Variants in RNLS observed in about 807,000 individuals in gnomAD.
RNLS encodes renalase.
Under a neutral mutation model 39.8 loss-of-function variants are expected in RNLS, and 39 were observed. The ratio of observed to expected loss-of-function variants is 0.98; its 90% CI spans 0.76 to 1.28. RNLS has a LOEUF of 1.28. Among genes scored for constraint, RNLS ranks in the 50% most tolerant of loss-of-function variants. RNLS has a pLI of 0.00. For synonymous variants in RNLS, 147 were observed against 150.7 expected (o/e 0.98, Z 0.18); for missense variants, 410 against 413.3 (o/e 0.99, Z 0.07).
chr10:88,386,088 C>T (rs924379004), intron 4 of RNLS, among the ~76,000 whole-genome samples: 1 of 152,058 alleles, frequency 6.6e-6, no homozygotes, highest in Non-Finnish European at 1.5e-5. Context: ...TTTTTAGAGC[C>T]GTTACCATGT....
At chr10:88,364,331 G>A (rs566683743) in intron 4 of RNLS, among the ~76,000 whole-genome samples, 2 of 152,238 alleles carry the variant, frequency 1.3e-5, no homozygotes, top group South Asian at 2.1e-4. Context: ...AGAGAGGCAG[G>A]AAAGGGATTC....
At chr10:88,527,627 T>C (rs951852248) in intron 4 of RNLS, among the ~76,000 whole-genome samples, 8 of 152,182 alleles carry the variant, frequency 5.3e-5, no homozygotes, top group Non-Finnish European at 1.2e-4. Context: ...AAATCTTTCC[T>C]GATTTTCCTT....
intron 4 of RNLS, among the ~76,000 whole-genome samples, chr10:88,377,189 T>G (rs538547934): frequency 1.3e-5 from 2 of 151,830 alleles, no homozygotes; most frequent in Non-Finnish European, 2.9e-5. Flanking sequence ...CACATCTCTG[T>G]GTGTGTGTGT....
intron 5 of RNLS, among the ~76,000 whole-genome samples, chr10:88,338,197 A>G (rs1331282415): frequency 1.3e-5 from 2 of 152,216 alleles, no homozygotes; most frequent in African/African-American, 4.8e-5. Flanking sequence ...TTGTGTCTTT[A>G]GAGAAGAGAC....
At chr10:88,353,066 T>G (rs978472338) in intron 5 of RNLS, among the ~76,000 whole-genome samples, 1 of 152,248 alleles carries the variant, frequency 6.6e-6, no homozygotes, top group African/African-American at 2.4e-5. Context: ...TCATTTTTTA[T>G]TGCACCTATT....
chr10:88,508,103 T>A (rs931994742), intron 4 of RNLS, among the ~76,000 whole-genome samples: 5 of 152,190 alleles, frequency 3.3e-5, no homozygotes, highest in African/African-American at 1.2e-4. Context: ...AAGTCTCTTA[T>A]CCTGTCTTCA....
intron 4 of RNLS, among the ~76,000 whole-genome samples, chr10:88,413,285 G>A (rs1458693861): frequency 1.3e-5 from 2 of 152,052 alleles, no homozygotes; most frequent in Admixed American, 6.6e-5. Context: ...GCTTTTGATG[G>A]CCTGAAGCTT....
chr10:88,435,550 T>C (rs1023652889), intron 4 of RNLS, among the ~76,000 whole-genome samples: 5 of 152,006 alleles, frequency 3.3e-5, no homozygotes, highest in African/African-American at 7.2e-5. Context: ...CCTAAGAATC[T>C]TGAGGGTAGC....
chr10:88,292,921 C>T (rs1216079455), intron 6 of RNLS, among the ~76,000 whole-genome samples: 2 of 151,926 alleles, frequency 1.3e-5, no homozygotes, highest in African/African-American at 4.8e-5. Flanking sequence ...CGTGGTGGCA[C>T]GTGCCTGTAA....
the RNLS span, among the ~76,000 whole-genome samples, chr10:88,189,912 C>T: frequency 1.3e-5 from 2 of 152,190 alleles, no homozygotes; most frequent in Admixed American, 1.3e-4. Context: ...GGGTGGCCAG[C>T]ATATTTAAAA....
intron 4 of RNLS, among the ~76,000 whole-genome samples, chr10:88,527,899 G>A (rs140173426): frequency 1.3e-5 from 2 of 151,262 alleles, no homozygotes; most frequent in Non-Finnish European, 2.9e-5. Flanking sequence ...AGATAAGATA[G>A]TGCATCCAGA....
At chr10:88,517,047 A>G (rs1846441198) in intron 4 of RNLS, among the ~76,000 whole-genome samples, 1 of 151,994 alleles carries the variant, frequency 6.6e-6, no homozygotes, top group African/African-American at 2.4e-5. Flanking sequence ...GATAGCTATG[A>G]TCTGGAGGTG....
chr10:88,423,048 C>T (rs1385224972), intron 4 of RNLS, among the ~76,000 whole-genome samples: 1 of 152,132 alleles, frequency 6.6e-6, no homozygotes, highest in Non-Finnish European at 1.5e-5. Flanking sequence ...GGTGCCTGGC[C>T]TAGTAGGCTT....
At position 88,583,057 on chromosome 10, in the gene RNLS, C is replaced by T. The variant is rs1196581502; in HGVS notation, c.118+16G>A. On this transcript the variant is annotated intron_variant, in intron 1 of 6. Transcript: ENST00000331772. ...GCAGTCCTCTTTTCCCAGGTTTTGGCGTTTAGACAACCCACCTGAGTCCTC... is the reference window on the plus strand; with the variant it reads ...GCAGTCCTCTTTTCCCAGGTTTTGGTGTTTAGACAACCCACCTGAGTCCTC... 6.2e-7 allele frequency: 1 copy of T among 1,606,910 alleles called. No individual in the cohort carries two copies. Among genetic ancestry groups the T allele is most frequent in the Non-Finnish European group, 8.5e-7 (1 of 1,175,878 alleles).
chr10:88,298,522 G>GT (rs1463296559), intron 6 of RNLS, among the ~76,000 whole-genome samples: 6 of 152,280 alleles, frequency 3.9e-5, no homozygotes, highest in African/African-American at 1.2e-4. Context: ...GCAGTGTGAT[G>GT]TAAGGGTCCA....
At chr10:88,273,477 C>T (rs556349815), downstream of RNLS, among the ~76,000 whole-genome samples, 17 of 152,072 alleles carry the variant, frequency 1.1e-4, no homozygotes, top group Non-Finnish European at 2.5e-4. Flanking sequence ...CATTATATCA[C>T]AAAAAATATC....
downstream of RNLS, among the ~76,000 whole-genome samples, chr10:88,270,241 C>T (rs1042910420): frequency 3.3e-5 from 5 of 152,134 alleles, no homozygotes; most frequent in African/African-American, 1.2e-4. Flanking sequence ...AGCTAAGAGA[C>T]GCAAATTAGA....
intron 4 of RNLS, among the ~76,000 whole-genome samples, chr10:88,364,327 G>A (rs1849877352): frequency 6.6e-6 from 1 of 152,124 alleles, no homozygotes; most frequent in Non-Finnish European, 1.5e-5. Context: ...GTAGAGAGAG[G>A]CAGGAAAGGG....
chr10:88,452,647 G>T (rs550709788), intron 4 of RNLS, among the ~76,000 whole-genome samples: 17 of 152,254 alleles, frequency 1.1e-4, no homozygotes, highest in Non-Finnish European at 1.9e-4. Context: ...AAGGGGAAAT[G>T]CTTCATCTAG....
Sources: gnomAD v4.1 joint callset for allele counts (sites outside exome capture counted in the v4.1 genomes callset) on GRCh38, gnomAD v4.1.1 for gene constraint, MANE v1.5 for transcripts, NCBI Gene and HGNC (gene_info 2026-07-23, HGNC 2026-07-21) for gene names.